The following LDHB variants were observed in gnomAD, a reference collection of about 807,000 sequenced individuals.
The protein encoded by LDHB is lactate dehydrogenase B.
Under a neutral mutation model 33.4 loss-of-function variants are expected in LDHB, and 18 were observed. That is an observed-to-expected ratio of 0.54 (90% CI 0.37 to 0.80). The LOEUF (loss-of-function observed/expected upper bound fraction) is 0.80, where lower values mean the gene tolerates loss of function less well. Ranked by LOEUF, LDHB falls within the 30% of genes least tolerant of loss-of-function variation. The pLI is 0.00. For synonymous variants in LDHB, 121 were observed against 140.6 expected, an observed-to-expected ratio of 0.86 and a Z score of 0.98; for missense variants, 345 against 407.9, an observed-to-expected ratio of 0.85 and a Z score of 1.33.
At chr12:21,635,947 T>C (rs1261858536) in intron 7 of LDHB, among the ~76,000 whole-genome samples, 1 of 152,102 alleles carries the variant, frequency 6.6e-6, no homozygotes, top group Non-Finnish European at 1.5e-5. Flanking sequence ...GAAAACTTGA[T>C]AGGCCTGAAC....
intron 2 of LDHB, among the ~76,000 whole-genome samples, chr12:21,649,333 G>C (rs1316974839): frequency 6.6e-6 from 1 of 152,176 alleles, no homozygotes; most frequent in South Asian, 2.1e-4. Flanking sequence ...AATAATAATT[G>C]TAACACTGAA....
At position 21,635,633 on chromosome 12, in the gene LDHB, A is replaced by G. The variant is rs1457999382; in HGVS notation, c.914T>C (p.Ile305Thr). 1 of 1,613,714 alleles carries G rather than the reference A, an allele frequency of 6.2e-7. No individual in the cohort carries two copies. The highest frequency in any genetic ancestry group is 8.5e-7 in the Non-Finnish European group (1 of 1,179,884). Reference protein sequence around the residue: ...ILNARGLTSVINQKLKDDEVA... With the variant: ...ILNARGLTSVTNQKLKDDEVA... ...CTCATCATCCTTTAGCTTCTGGTTG[A>G]TAACGCTGGTTAATCCCCGGGCATT... is the stretch of plus-strand genomic sequence containing the variant. Residue 305 changes from isoleucine (I) to threonine (T), a missense_variant, in exon 8 of 8, where the codon ATC becomes ACC. Physicochemically the swap from Ile to Thr is moderately conservative, Grantham distance 89. Coordinates refer to ENST00000350669, the MANE Select transcript of LDHB (RefSeq NM_002300.8).
At chr12:21,647,788 CCG>C (rs142962016) in intron 2 of LDHB, among the ~76,000 whole-genome samples, 143,535 of 151,886 alleles carry the variant, frequency 0.95, 68,333 homozygotes, top group East Asian at 1. Context: ...TCTCCACCTC[CCG>C]GGTTCAAGTG....
chr12:21,656,228 T>C (rs1191718921), intron 1 of LDHB, among the ~76,000 whole-genome samples: 1 of 152,218 alleles, frequency 6.6e-6, no homozygotes, highest in African/African-American at 2.4e-5. Flanking sequence ...TTATAGTTTT[T>C]TTTCCAAAAA....
intron 7 of LDHB, among the ~76,000 whole-genome samples, chr12:21,635,923 CAG>C (rs1248294646): frequency 2.0e-5 from 3 of 152,042 alleles, no homozygotes; most frequent in Non-Finnish European, 4.4e-5. Context: ...GATGTTCCAA[CAG>C]AAAGAATTGT....
chr12:21,636,354 A>G (rs1938216463), intron 7 of LDHB, among the ~76,000 whole-genome samples: 1 of 151,958 alleles, frequency 6.6e-6, no homozygotes, highest in African/African-American at 2.4e-5. Context: ...TAAAAAAAAA[A>G]AAAAAAATAC....
chr12:21,637,224 A>AAT, intron 6 of LDHB, 30 bp from the exon 7 acceptor site: 1 of 1,535,180 alleles, frequency 6.5e-7, no homozygotes, highest in East Asian at 2.3e-5. Flanking sequence ...ACATCACTGA[A>AAT]ATAAGACTCA....
At chr12:21,643,205 C>T (rs1403432672) in intron 4 of LDHB, among the ~76,000 whole-genome samples, 1 of 152,224 alleles carries the variant, frequency 6.6e-6, no homozygotes, top group Non-Finnish European at 1.5e-5. Flanking sequence ...CACAGTGTTT[C>T]TCTATGGGAA....
intron 1 of LDHB, among the ~76,000 whole-genome samples, chr12:21,655,781 T>C (rs1472456778): frequency 6.6e-6 from 1 of 152,070 alleles, no homozygotes; most frequent in Non-Finnish European, 1.5e-5. Flanking sequence ...ATCTGTACAG[T>C]AACACCAAAT....
At chr12:21,643,183 C>G (rs1938419851) in intron 4 of LDHB, among the ~76,000 whole-genome samples, 1 of 152,222 alleles carries the variant, frequency 6.6e-6, no homozygotes, top group African/African-American at 2.4e-5. Context: ...GGGGATTCCC[C>G]TAGCTCTTAT....
At chr12:21,650,133 C>CT (rs1938643143) in intron 2 of LDHB, among the ~76,000 whole-genome samples, 1 of 148,602 alleles carries the variant, frequency 6.7e-6, no homozygotes, top group Admixed American at 6.7e-5. Flanking sequence ...CACACACACA[C>CT]ACACACACAC....
At chr12:21,655,480 CATAAA>C (rs1938816422) in intron 1 of LDHB, among the ~76,000 whole-genome samples, 1 of 152,184 alleles carries the variant, frequency 6.6e-6, no homozygotes, top group African/African-American at 2.4e-5. Context: ...CTCTGTCTCA[CATAAA>C]ATGTGTTACA....
chr12:21,638,493 ACATTGCAGTTATTTCTTACATTATTTT>A, intron 5 of LDHB, 23 bp from the exon 6 acceptor site: 3 of 1,362,366 alleles, frequency 2.2e-6, no homozygotes, highest in African/African-American at 1.5e-5. Context: ...AAAAAAAAAG[ACATTGCAGTTATTTCTTACATTATTTT>A]AAAAAATATT....
intron 4 of LDHB, 63 bp downstream of exon 4, chr12:21,643,872 T>G: frequency 7.7e-7 from 1 of 1,295,434 alleles, no homozygotes; most frequent in Non-Finnish European, 1.1e-6. Context: ...TCCAAAACAA[T>G]AACAACAGAA....
In LDHB at chr12:21,650,096, G is replaced by GA. The variant is rs1555165524; in HGVS notation, c.130-3081dup. ...GACAGTAAGACTCTCTCTCTCAAGA[G>GA]AAAAAAAATACACACACACACACAC... On this transcript the variant is annotated intron_variant, in intron 2 of 7. Coordinates refer to ENST00000350669, the MANE Select transcript of LDHB (RefSeq NM_002300.8). Among the ~76,000 whole-genome samples the GA allele has an allele frequency of 7.2e-3, 177 of 24,582 alleles. 4 individuals carry two copies. Among genetic ancestry groups the GA allele is most frequent in the African/African-American group, 0.013 (148 of 11,836 alleles). 16.1% of individuals were successfully genotyped at this position (24,582 alleles called of 152,430 possible).
chr12:21,651,475 C>A (rs1938687584), intron 2 of LDHB, among the ~76,000 whole-genome samples: 1 of 152,158 alleles, frequency 6.6e-6, no homozygotes. Context: ...GCGAATCTGG[C>A]TAATGCATGT....
intron 6 of LDHB, among the ~76,000 whole-genome samples, chr12:21,637,531 A>G (rs573509715): frequency 2.8e-4 from 42 of 152,268 alleles, no homozygotes; most frequent in African/African-American, 9.4e-4. Context: ...TCAGGAAACA[A>G]TAAAAGTGAA....
chr12:21,648,557 T>C (rs1307880649), intron 2 of LDHB, among the ~76,000 whole-genome samples: 2 of 150,392 alleles, frequency 1.3e-5, no homozygotes, highest in Admixed American at 1.3e-4. Flanking sequence ...GCCAGGTAGG[T>C]AGGTAACTGG....
intron 5 of LDHB, among the ~76,000 whole-genome samples, chr12:21,639,351 C>G (rs921126028): frequency 6.6e-6 from 1 of 151,830 alleles, no homozygotes; most frequent in Non-Finnish European, 1.5e-5. Flanking sequence ...GAACATTGGA[C>G]GGGAATCAGA....
Sources: allele counts gnomAD v4.1 joint callset (sites outside exome capture counted in the v4.1 genomes callset), GRCh38; gene constraint gnomAD v4.1.1; transcripts MANE v1.5; gene names NCBI Gene and HGNC (gene_info 2026-07-23, HGNC 2026-07-21).